ACIN1: variants seen among roughly 807,000 people sequenced by gnomAD.
ACIN1 encodes apoptotic chromatin condensation inducer 1, also known as apoptotic chromatin condensation inducer in the nucleus.
In ACIN1, 16 loss-of-function variants were observed where a neutral mutation model predicts 146.6. The ratio of observed to expected loss-of-function variants is 0.11; its 90% confidence interval spans 0.07 to 0.17. The LOEUF (loss-of-function observed/expected upper bound fraction) is 0.17. Ranked by LOEUF, ACIN1 falls within the 10% of genes least tolerant of loss-of-function variation. The probability of loss-of-function intolerance (pLI) is 1.00; values close to 1 mark genes in which losing one functional copy is unlikely to be tolerated. For missense variants in ACIN1, 1,357 were observed against 1,609.3 expected (o/e 0.84, Z 2.68); for synonymous variants, 569 against 582.7 (o/e 0.98, Z 0.34).
chr14:23,078,107 A>G, intron 8 of ACIN1, 44 bp downstream of exon 8: 1 of 1,565,852 alleles, frequency 6.4e-7, no homozygotes, highest in Non-Finnish European at 8.8e-7. Context: ...ACTATCGCAC[A>G]CTCATAGTTC....
Position 23,061,317 on chromosome 14 carries a change from T to G in ACIN1, c.3405A>C (p.Glu1135Asp). 1 of 1,614,016 alleles carries G rather than the reference T, an allele frequency of 6.2e-7. No individual in the cohort carries two copies. Among genetic ancestry groups the G allele is most frequent in the Non-Finnish European group, 8.5e-7 (1 of 1,179,930 alleles). ...ACCTACCTTTCTTCTCACTCTTCTT[T>G]TCTTTAGACTTCGCACGTTCCTTGC... is the stretch of plus-strand genomic sequence containing the variant. ...RRRKERAKSK[E>D]KKSEKKEKAQ... The change falls in exon 17 of 19, where the codon GAA (glutamate) becomes GAC (aspartate). Residue 1135 changes from glutamate (E) to aspartate (D), a missense_variant. Physicochemically the swap from Glu to Asp is conservative, Grantham distance 45. This residue lies in a region of ACIN1 where 509 missense variants were observed against 719.6 expected (regional missense o/e 0.71). Coordinates refer to ENST00000605057, the MANE Select transcript of ACIN1 (RefSeq NM_001386863.1).
At chr14:23,072,575 T>G (rs920395620) in intron 8 of ACIN1, among the ~76,000 whole-genome samples, 1 of 152,218 alleles carries the variant, frequency 6.6e-6, no homozygotes, top group South Asian at 2.1e-4. Flanking sequence ...CAGTAGATAC[T>G]CAAAATGCTT....
rs182066720 is a variant in ACIN1, at chr14:23,072,460, G to T, written c.2124-2843C>A. 7.0e-4 allele frequency among the ~76,000 whole-genome samples: 107 copies of T among 152,304 alleles called. 1 individual carries two copies. The highest frequency in any genetic ancestry group is 1.4e-3 in the Admixed American group (21 of 15,298). On this transcript the variant is annotated intron_variant, in intron 8 of 18. Coordinates refer to ENST00000605057, the MANE Select transcript of ACIN1 (RefSeq NM_001386863.1). The stretch of plus-strand genomic sequence containing the variant: ...GAGTGCTGCTATATGGGGCGGGGAA[G>T]ATCAGCTGGGCAGAAAGCGACTGGG...
chr14:23,067,448 C>T lies in ACIN1; in HGVS notation c.2266-1440G>A, dbSNP rs1352607251. 8 of 982,560 alleles carry T rather than the reference C, an allele frequency of 8.1e-6. No homozygotes were observed. The highest frequency in any genetic ancestry group is 8.4e-6 in the Non-Finnish European group (7 of 829,510). 60.9% of individuals were successfully genotyped at this position (982,560 alleles called of 1,614,324 possible). On this transcript the variant is annotated intron_variant, in intron 9 of 18. Coordinates refer to ENST00000605057, the MANE Select transcript of ACIN1 (RefSeq NM_001386863.1). The surrounding 1 kb of genome is among the most constrained non-coding windows in gnomAD (Gnocchi z 4.6). ...GTTGGGTTGGCAAAAAAGGTGGGCGCACGGCGTGGTAGTCAGCACGGCACT... is the reference window on the plus strand; with the variant it reads ...GTTGGGTTGGCAAAAAAGGTGGGCGTACGGCGTGGTAGTCAGCACGGCACT...
intron 4 of ACIN1, among the ~76,000 whole-genome samples, chr14:23,087,806 G>A (rs1334883054): frequency 6.6e-6 from 1 of 152,056 alleles, no homozygotes; most frequent in Non-Finnish European, 1.5e-5. Flanking sequence ...TCTTGAATGT[G>A]AAATACTCTA....
chr14:23,092,958 G>C (rs141713560), intron 2 of ACIN1, among the ~76,000 whole-genome samples: 164 of 152,296 alleles, frequency 1.1e-3, no homozygotes, highest in African/African-American at 3.7e-3. Context: ...GCCTCCAAAG[G>C]TTGTTTCTTA....
chr14:23,072,300 C>T (rs1454807096), intron 8 of ACIN1, among the ~76,000 whole-genome samples: 7 of 152,244 alleles, frequency 4.6e-5, no homozygotes, highest in African/African-American at 1.4e-4. Context: ...GGTCACCCTG[C>T]CCCAGGGTCC....
At position 23,090,057 on chromosome 14, in the gene ACIN1, C is replaced by A; in HGVS notation, c.361G>T (p.Val121Leu). 2.5e-6 allele frequency: 4 copies of A among 1,613,924 alleles called. No homozygotes were observed. Among genetic ancestry groups the A allele is most frequent in the Non-Finnish European group, 3.4e-6 (4 of 1,179,950 alleles). Residue 121 changes from valine to leucine, a missense_variant, in exon 4 of 19, where the codon GTG (valine) becomes TTG (leucine). By Grantham distance (32) the Val-to-Leu change is conservative. Coordinates refer to ENST00000605057, the MANE Select transcript of ACIN1 (RefSeq NM_001386863.1). ...SEDEMIHPEGVASLLPPDFQS... is the reference protein window; with the variant it reads ...SEDEMIHPEGLASLLPPDFQS... ...AAGTCAGGAGGCAGCAGGGAAGCCACTCCCTCAGGATGGATCATCTCGTCC... is the reference window on the plus strand; with the variant it reads ...AAGTCAGGAGGCAGCAGGGAAGCCAATCCCTCAGGATGGATCATCTCGTCC...
At chr14:23,074,520 G>A (rs939404793) in intron 8 of ACIN1, among the ~76,000 whole-genome samples, 18 of 151,972 alleles carry the variant, frequency 1.2e-4, no homozygotes, top group Non-Finnish European at 4.4e-5. Context: ...AGCAGAGATC[G>A]GGCCACTGCA....
At chr14:23,069,648 GC>G (rs2140064948) in intron 8 of ACIN1, 31 bp from the exon 9 acceptor site, 16 of 589,358 alleles carry the variant, frequency 2.7e-5, no homozygotes, top group Middle Eastern at 3.0e-4. Flanking sequence ...TGGTGGGGGG[GC>G]GGGCAGAAAA....
At position 23,069,498 on chromosome 14, in the gene ACIN1, A is replaced by C; in HGVS notation, c.2243T>G (p.Val748Gly). ...TACCTCTTTCTTCTCCTCATCTTCAACACTGCCCTCCGGGCGGTCATCATT... is the reference window on the plus strand; with the variant it reads ...TACCTCTTTCTTCTCCTCATCTTCACCACTGCCCTCCGGGCGGTCATCATT... ...VSNDDRPEGS[V>G]EDEEKKESSL... Residue 748 changes from valine (V) to glycine (G), a missense_variant, in exon 9 of 19, where the codon GTT becomes GGT. Coordinates refer to ENST00000605057, the MANE Select transcript of ACIN1 (RefSeq NM_001386863.1). 2.5e-6 allele frequency: 4 copies of C among 1,613,950 alleles called. No homozygotes were observed. Among genetic ancestry groups the C allele is most frequent in the Non-Finnish European group, 3.4e-6 (4 of 1,179,924 alleles).
intron 4 of ACIN1, among the ~76,000 whole-genome samples, chr14:23,082,767 T>A (rs1164458628): frequency 6.6e-6 from 1 of 150,764 alleles, no homozygotes. Flanking sequence ...GAGACAGAGT[T>A]TTGCTCTTGT....
chr14:23,059,805 G>T (rs1450187418), intron 18 of ACIN1, among the ~76,000 whole-genome samples: 1 of 151,314 alleles, frequency 6.6e-6, no homozygotes, highest in African/African-American at 2.4e-5. Context: ...AGGCGCCCGC[G>T]ACCACGCCCG....
intron 8 of ACIN1, among the ~76,000 whole-genome samples, chr14:23,075,276 A>C (rs1056551667): frequency 6.6e-6 from 1 of 151,634 alleles, no homozygotes; most frequent in East Asian, 1.9e-4. Context: ...CTACAGCTGA[A>C]TGATACAGCT....
rs2047911773 is a variant in ACIN1, at chr14:23,080,345, G to A, written c.990C>T (p.Ser330=). The A allele has an allele frequency of 6.2e-7, 1 of 1,614,036 alleles. No individual in the cohort carries two copies. The highest frequency in any genetic ancestry group is 1.1e-5 in the South Asian group (1 of 91,088). ...QGLKEKSKSP[S]PPRLTEDRKK... ...TTCGATCTTCAGTCAGTCGAGGAGGGGAAGGAGACTTCGATTTTTCCTTTA... is the reference window on the plus strand; with the variant it reads ...TTCGATCTTCAGTCAGTCGAGGAGGAGAAGGAGACTTCGATTTTTCCTTTA... The change falls in exon 6 of 19, where the codon TCC becomes TCT. Residue 330 remains serine (S), a synonymous_variant. Coordinates refer to ENST00000605057, the MANE Select transcript of ACIN1 (RefSeq NM_001386863.1).
chr14:23,095,384 A>T, upstream of ACIN1: 1 of 1,433,644 alleles, frequency 7.0e-7, no homozygotes, highest in Non-Finnish European at 9.4e-7. Flanking sequence ...TTTGAATCGA[A>T]TATATTCGGA....
intron 8 of ACIN1, among the ~76,000 whole-genome samples, chr14:23,070,040 T>C (rs1289169179): frequency 1.3e-5 from 2 of 152,172 alleles, no homozygotes; most frequent in African/African-American, 4.8e-5. Flanking sequence ...ATGGCAAAAT[T>C]GCACGAGAAA....
chr14:23,090,409 T>C (rs1369951291), intron 3 of ACIN1, 113 bp downstream of exon 3: 4 of 971,210 alleles, frequency 4.1e-6, no homozygotes, highest in South Asian at 3.3e-5. Flanking sequence ...AGCAAGTAAG[T>C]AGCAGTCTCA....
At chr14:23,078,706 C>A in intron 7 of ACIN1, 114 bp downstream of exon 7, 2 of 1,135,526 alleles carry the variant, frequency 1.8e-6, no homozygotes, top group South Asian at 1.6e-5. Flanking sequence ...AGGTATCCAC[C>A]ACATTTCTAC....
Sources: gnomAD v4.1 joint callset for allele counts (sites outside exome capture counted in the v4.1 genomes callset) on GRCh38, gnomAD v4.1.1 for gene constraint, gnomAD v4.1.1 regional missense constraint, Gnocchi (gnomAD v3.1) non-coding constraint, MANE v1.5 for transcripts, NCBI Gene and HGNC (gene_info 2026-07-23, HGNC 2026-07-21) for gene names.